Variants in ZFHX3 observed in about 807,000 individuals in gnomAD.
ZFHX3 encodes the protein zinc finger homeobox protein 3.
Under a neutral mutation model 279.1 loss-of-function variants are expected in ZFHX3, and 42 were observed. That is an observed-to-expected ratio of 0.15 (90% CI 0.12 to 0.19). ZFHX3 has a LOEUF of 0.19. ZFHX3 is among the 10% of genes least tolerant of loss of function. The pLI is 1.00. For synonymous variants in ZFHX3, 2,293 were observed against 1,957.8 expected, an observed-to-expected ratio of 1.17 and a Z score of -4.52; for missense variants, 4,981 against 4,754.0, an observed-to-expected ratio of 1.05 and a Z score of -1.40.
chr16:72,958,622 A>G lies in ZFHX3; in HGVS notation c.1524T>C (p.His508=). ...ELDEELEDRP[H]EEPGAAAGSS... ...TACCTGCTGCGGCCCCAGGCTCCTC[A>G]TGGGGCCTGTCCTCCAGTTCCTCAT... Residue 508 remains histidine (H), a synonymous_variant, in exon 2 of 10, where the codon CAT becomes CAC. Coordinates refer to ENST00000268489, the MANE Select transcript of ZFHX3 (RefSeq NM_006885.4). 2.5e-6 allele frequency: 4 copies of G among 1,614,116 alleles called. No homozygotes were observed. Among genetic ancestry groups the G allele is most frequent in the Non-Finnish European group, 3.4e-6 (4 of 1,180,020 alleles).
At position 72,785,086 on chromosome 16, in the gene ZFHX3, A is replaced by AGAAG. The variant is rs2035304808; in HGVS notation, c.*2074_*2077dup. On this transcript the variant is annotated 3_prime_UTR_variant, in exon 10 of 10. Transcript: ENST00000268489. ...AAACATAAGGAAGAAAACGAAGGGA[A>AGAAG]GAAGGATTTCACACTTTGGGGGCAA... is the stretch of plus-strand genomic sequence containing the variant. 1 of 152,790 alleles carries AGAAG rather than the reference A, an allele frequency of 6.5e-6. No homozygotes were observed. Among genetic ancestry groups the AGAAG allele is most frequent in the Admixed American group, 6.5e-5 (1 of 15,306 alleles). The allele number at this position is 152,790 out of a possible 1,614,324, so 9.5% of individuals were successfully genotyped here.
chr16:73,028,641 G>A (rs992146597), intron 1 of ZFHX3, among the ~76,000 whole-genome samples: 73 of 152,276 alleles, frequency 4.8e-4, no homozygotes, highest in African/African-American at 1.7e-3. Flanking sequence ...TCAACCGCTC[G>A]GAGGGATTCT....
intron 7 of ZFHX3, among the ~76,000 whole-genome samples, chr16:73,097,414 C>T (rs1242043956): frequency 6.6e-6 from 1 of 152,114 alleles, no homozygotes; most frequent in Admixed American, 6.6e-5. Context: ...AGCTCTGAGA[C>T]AGCTCTTACT....
intron 3 of ZFHX3, among the ~76,000 whole-genome samples, chr16:72,920,158 G>A (rs781177977): frequency 6.6e-6 from 1 of 151,616 alleles, no homozygotes; most frequent in Non-Finnish European, 1.5e-5. Flanking sequence ...ATCTTAACTA[G>A]TCCAACTGAA....
chr16:73,072,935 T>G (rs1965843018), intron 8 of ZFHX3, among the ~76,000 whole-genome samples: 1 of 151,976 alleles, frequency 6.6e-6, no homozygotes, highest in African/African-American at 2.4e-5. Context: ...TCTCACTCTG[T>G]GCCCAGACTG....
intron 7 of ZFHX3, among the ~76,000 whole-genome samples, chr16:73,117,289 T>C (rs748543048): frequency 3.3e-5 from 5 of 152,178 alleles, no homozygotes; most frequent in Non-Finnish European, 5.9e-5. Flanking sequence ...TGGCCATAAA[T>C]ACTGTTGTAT....
chr16:73,837,620 ATTTTCTTTTC>A (rs71727423), intron 1 of ZFHX3, among the ~76,000 whole-genome samples: 129 of 150,820 alleles, frequency 8.6e-4, no homozygotes, highest in Admixed American at 1.3e-3. Context: ...CATTGCTGCT[ATTTTCTTTTC>A]TTTTCTTTTC....
intron 1 of ZFHX3, among the ~76,000 whole-genome samples, chr16:73,057,295 T>C (rs1187004842): frequency 6.6e-6 from 1 of 152,130 alleles, no homozygotes; most frequent in African/African-American, 2.4e-5. Flanking sequence ...ACTCGCAAAG[T>C]GATATATACA....
chr16:73,233,577 G>A (rs557294294), intron 5 of ZFHX3, among the ~76,000 whole-genome samples: 31 of 152,204 alleles, frequency 2.0e-4, no homozygotes, highest in Non-Finnish European at 4.4e-4. Flanking sequence ...CGTGCCAGGC[G>A]ATCGTCTGCC....
chr16:73,527,208 G>T (rs1006266294), intron 2 of ZFHX3, among the ~76,000 whole-genome samples: 1 of 152,086 alleles, frequency 6.6e-6, no homozygotes, highest in South Asian at 2.1e-4. Flanking sequence ...ATCCATCAAC[G>T]TCTATTCAAA....
chr16:73,669,010 GTTTC>G (rs2052874503), intron 2 of ZFHX3, among the ~76,000 whole-genome samples: 1 of 149,694 alleles, frequency 6.7e-6, no homozygotes, highest in Admixed American at 6.6e-5. Context: ...ATTTTCTTTT[GTTTC>G]TTTCTTTTTC....
chr16:73,531,947 G>C (rs923677309), intron 2 of ZFHX3, among the ~76,000 whole-genome samples: 1 of 151,476 alleles, frequency 6.6e-6, no homozygotes, highest in African/African-American at 2.4e-5. Flanking sequence ...AAATTGACTG[G>C]ATATGTGGCA....
intron 2 of ZFHX3, among the ~76,000 whole-genome samples, chr16:73,516,672 C>A (rs2019527990): frequency 6.6e-6 from 1 of 152,180 alleles, no homozygotes; most frequent in Admixed American, 6.5e-5. Context: ...CTCCTCTAAT[C>A]AATTTCTTCT....
At chr16:73,820,225 G>C (rs1960696410) in intron 1 of ZFHX3, among the ~76,000 whole-genome samples, 2 of 152,022 alleles carry the variant, frequency 1.3e-5, no homozygotes, top group African/African-American at 4.8e-5. Context: ...GAGTAGCTGG[G>C]ACTACAGGCG....
At chr16:73,595,719 G>C (rs1033408268) in intron 2 of ZFHX3, among the ~76,000 whole-genome samples, 4 of 152,158 alleles carry the variant, frequency 2.6e-5, no homozygotes, top group South Asian at 2.1e-4. Flanking sequence ...TCTCCCAAGA[G>C]CCACAAAGTC....
Position 72,958,645 on chromosome 16 carries a change from C to T in ZFHX3, c.1501G>A (p.Glu501Lys). ...TCATGGGGCCTGTCCTCCAGTTCCTCATCCAACTCGCTTGGAAAGAGTCCT... is the reference window on the plus strand; with the variant it reads ...TCATGGGGCCTGTCCTCCAGTTCCTTATCCAACTCGCTTGGAAAGAGTCCT... ...CKGLFPSELD[E>K]ELEDRPHEEP... The change falls in exon 2 of 10, where the codon GAG (glutamate) becomes AAG (lysine). Residue 501 changes from glutamate to lysine, a missense_variant. By Grantham distance (56) the Glu-to-Lys change is moderately conservative. Coordinates refer to ENST00000268489, the MANE Select transcript of ZFHX3 (RefSeq NM_006885.4). The T allele has an allele frequency of 6.2e-7, 1 of 1,614,096 alleles. No individual in the cohort carries two copies. Among genetic ancestry groups the T allele is most frequent in the Non-Finnish European group, 8.5e-7 (1 of 1,180,026 alleles).
At chr16:73,470,883 CT>C (rs1259771637) in intron 2 of ZFHX3, among the ~76,000 whole-genome samples, 1 of 152,108 alleles carries the variant, frequency 6.6e-6, no homozygotes, top group African/African-American at 2.4e-5. Context: ...TCTCTTACCC[CT>C]TTTTTGGGTG....
intron 3 of ZFHX3, among the ~76,000 whole-genome samples, chr16:73,418,710 C>G (rs2017650699): frequency 1.3e-5 from 2 of 152,204 alleles, no homozygotes; most frequent in African/African-American, 2.4e-5. Flanking sequence ...TAAAACAGGT[C>G]TCCCATCCCC....
intron 3 of ZFHX3, among the ~76,000 whole-genome samples, chr16:73,374,978 T>G (rs1054880374): frequency 1.3e-5 from 2 of 152,246 alleles, no homozygotes. Flanking sequence ...TTTCTTGATG[T>G]GAATAGTTAT....
Sources: allele counts gnomAD v4.1 joint callset (sites outside exome capture counted in the v4.1 genomes callset), GRCh38; gene constraint gnomAD v4.1.1; transcripts MANE v1.5; gene names NCBI Gene and HGNC (gene_info 2026-07-23, HGNC 2026-07-21).